Variants in PDHX observed in about 807,000 individuals in gnomAD.
The protein encoded by PDHX is pyruvate dehydrogenase complex component X, also known as pyruvate dehydrogenase protein X component, mitochondrial.
In PDHX, 33 loss-of-function variants were observed where a neutral mutation model predicts 55.3. The observed-to-expected ratio is 0.60, with a 90% CI of 0.45 to 0.80. The LOEUF (loss-of-function observed/expected upper bound fraction) is 0.80. Among genes scored for constraint, PDHX ranks in the 30% least tolerant of loss-of-function variants. The pLI is 0.00. For missense variants in PDHX, 622 were observed against 619.9 expected, an observed-to-expected ratio of 1.00 and a Z score of -0.04; for synonymous variants, 226 against 219.4, an observed-to-expected ratio of 1.03 and a Z score of -0.27.
At chr11:34,965,839 C>T (rs1332366487) in intron 5 of PDHX, among the ~76,000 whole-genome samples, 1 of 152,190 alleles carries the variant, frequency 6.6e-6, no homozygotes, top group East Asian at 1.9e-4. Flanking sequence ...TTATATAAAA[C>T]AATTTTTTTT....
chr11:34,981,018 C>T (rs1206177653), intron 8 of PDHX, among the ~76,000 whole-genome samples: 2 of 151,724 alleles, frequency 1.3e-5, no homozygotes, highest in Non-Finnish European at 2.9e-5. Context: ...TATTATTATA[C>T]TTTAAGTTTT....
upstream of PDHX, chr11:34,916,589 C>A (rs547276719): frequency 1.9e-6 from 3 of 1,582,846 alleles, no homozygotes; most frequent in Non-Finnish European, 2.6e-6. Context: ...GCCAACCATG[C>A]GGGAGGCGGG....
intron 9 of PDHX, among the ~76,000 whole-genome samples, chr11:34,987,497 T>G (rs1447891062): frequency 6.6e-6 from 1 of 151,976 alleles, no homozygotes; most frequent in African/African-American, 2.4e-5. Context: ...GAAAGAAAGT[T>G]TATGTGTGTG....
chr11:34,944,405 C>T (rs1055528631), intron 2 of PDHX, among the ~76,000 whole-genome samples: 2 of 152,174 alleles, frequency 1.3e-5, no homozygotes, highest in Admixed American at 6.5e-5. Flanking sequence ...CAGGTGTGAG[C>T]CTACACGCCT....
chr11:34,966,945 A>G (rs915697695), intron 6 of PDHX, 131 bp downstream of exon 6: 5 of 761,340 alleles, frequency 6.6e-6, no homozygotes, highest in African/African-American at 5.3e-5. Context: ...TCTGCCTCCC[A>G]AGTTCAAGTG....
chr11:34,935,665 T>C (rs1013861064), intron 2 of PDHX, among the ~76,000 whole-genome samples: 4 of 152,124 alleles, frequency 2.6e-5, no homozygotes, highest in African/African-American at 9.7e-5. Context: ...ACAGTACCTA[T>C]TAGGGATTGT....
intron 2 of PDHX, among the ~76,000 whole-genome samples, chr11:34,938,905 T>C (rs1261300573): frequency 1.3e-5 from 2 of 152,236 alleles, no homozygotes; most frequent in Non-Finnish European, 2.9e-5. Context: ...AAATTCTGTG[T>C]TCTGCCAACT....
At chr11:34,926,895 G>A (rs192185480) in intron 1 of PDHX, among the ~76,000 whole-genome samples, 2 of 152,076 alleles carry the variant, frequency 1.3e-5, no homozygotes, top group Non-Finnish European at 2.9e-5. Flanking sequence ...TACAGGAATT[G>A]CTTAGAGGGA....
At chr11:34,976,525 C>G (rs1855378308) in intron 7 of PDHX, among the ~76,000 whole-genome samples, 1 of 152,048 alleles carries the variant, frequency 6.6e-6, no homozygotes, top group Non-Finnish European at 1.5e-5. Context: ...GCCTCAGTAT[C>G]TCAGAATTAG....
At chr11:34,921,769 C>T (rs543641009) in intron 1 of PDHX, among the ~76,000 whole-genome samples, 16 of 152,090 alleles carry the variant, frequency 1.1e-4, no homozygotes, top group Non-Finnish European at 1.6e-4. Context: ...ACAGGAGGGA[C>T]TAAGAAGATT....
chr11:34,962,971 T>C (rs978219916), intron 5 of PDHX, among the ~76,000 whole-genome samples: 1 of 152,210 alleles, frequency 6.6e-6, no homozygotes, highest in African/African-American at 2.4e-5. Flanking sequence ...TCTACCCTGT[T>C]ACCCTTTTCT....
In PDHX at chr11:34,970,285, A is replaced by G; in HGVS notation, c.963A>G (p.Lys321=). Residue 321 remains lysine, a splice_region_variant and synonymous_variant, in exon 7 of 11, where the codon AAA becomes AAG. Transcript: ENST00000227868. ...AVLKVRQDLV[K]DDIKVSVNDF... ...TAAAAGTTAGGCAAGATCTGGTCAA[A>G]GGTTAGTAAAATTGAATTTACTTAA... 1 of 1,612,482 alleles carries G rather than the reference A, an allele frequency of 6.2e-7. No homozygotes were observed. Among genetic ancestry groups the G allele is most frequent in the South Asian group, 1.1e-5 (1 of 91,036 alleles).
In PDHX at chr11:34,964,930, G is replaced by A. The variant is rs552826115; in HGVS notation, c.642-1710G>A. Among the ~76,000 whole-genome samples the A allele has an allele frequency of 4.6e-5, 7 of 151,644 alleles. No homozygotes were observed. In the East Asian group the frequency reaches 1.3e-3, roughly 29 times the overall value. On this transcript the variant is annotated intron_variant, in intron 5 of 10. Coordinates refer to ENST00000227868, the MANE Select transcript of PDHX (RefSeq NM_003477.3). ...GTTATGCTAAAAATGTGTCAATTTA[G>A]TGTCAGCAACCTTTTTTTTAAATAG...
In PDHX at chr11:34,957,529, C is replaced by G; in HGVS notation, c.488C>G (p.Pro163Arg). The change falls in exon 4 of 11, where the codon CCA becomes CGA. Residue 163 changes from proline (P) to arginine (R), a missense_variant. Transcript: ENST00000227868. ...AAACCTTCAGAGCCTCGCCCCTCAC[C>G]AGAACCACAGATTTCCATCCCTGTC... Reference protein sequence around the residue: ...VSKPSEPRPSPEPQISIPVKK... With the variant: ...VSKPSEPRPSREPQISIPVKK... 2 of 1,613,996 alleles carry G rather than the reference C, an allele frequency of 1.2e-6. No individual in the cohort carries two copies. Among genetic ancestry groups the G allele is most frequent in the East Asian group, 4.5e-5 (2 of 44,874 alleles).
intron 1 of PDHX, among the ~76,000 whole-genome samples, chr11:34,928,379 T>C (rs1034593385): frequency 2.6e-5 from 4 of 152,012 alleles, no homozygotes; most frequent in African/African-American, 9.7e-5. Flanking sequence ...GACTTTTTTT[T>C]TTTTAAGCCT....
chr11:34,931,516 C>T, intron 2 of PDHX, 32 bp downstream of exon 2: 1 of 1,182,218 alleles, frequency 8.5e-7, no homozygotes, highest in East Asian at 2.4e-5. Context: ...GTCCTGTGTG[C>T]TTTGTTATTT....
intron 2 of PDHX, among the ~76,000 whole-genome samples, chr11:34,943,945 T>C (rs1369819167): frequency 6.6e-6 from 1 of 152,078 alleles, no homozygotes; most frequent in Non-Finnish European, 1.5e-5. Flanking sequence ...AGTTTACTTG[T>C]CAATGGATAT....
At chr11:34,978,463 A>G (rs1383149561) in intron 8 of PDHX, among the ~76,000 whole-genome samples, 1 of 152,160 alleles carries the variant, frequency 6.6e-6, no homozygotes, top group East Asian at 1.9e-4. Flanking sequence ...TGGGGCTTAC[A>G]TTCTAGTTGG....
chr11:34,926,195 C>T (rs1854015982), intron 1 of PDHX, among the ~76,000 whole-genome samples: 1 of 152,158 alleles, frequency 6.6e-6, no homozygotes, highest in African/African-American at 2.4e-5. Flanking sequence ...TGCCTTTATT[C>T]CAAGTGTTAA....
Sources: gnomAD v4.1 joint callset for allele counts (sites outside exome capture counted in the v4.1 genomes callset) on GRCh38, gnomAD v4.1.1 for gene constraint, MANE v1.5 for transcripts, NCBI Gene and HGNC (gene_info 2026-07-23, HGNC 2026-07-21) for gene names.